The following CCSER1 variants were observed in gnomAD, a reference collection of about 807,000 sequenced individuals.
CCSER1 encodes serine-rich coiled-coil domain-containing protein 1.
In CCSER1, 41 loss-of-function variants were observed where a neutral mutation model predicts 82.0. That is an observed-to-expected ratio of 0.50 (90% CI 0.39 to 0.65). The LOEUF (loss-of-function observed/expected upper bound fraction) is 0.65, where lower values mean the gene tolerates loss of function less well. CCSER1 is among the 30% of genes least tolerant of loss of function. The pLI is 0.00. For missense variants in CCSER1, 1,119 were observed against 1,064.2 expected (o/e 1.05, Z -0.72); for synonymous variants, 414 against 383.9 (o/e 1.08, Z -0.92).
At chr4:90,746,702 A>T (rs111651310) in intron 7 of CCSER1, among the ~76,000 whole-genome samples, 17 of 152,294 alleles carry the variant, frequency 1.1e-4, no homozygotes, top group African/African-American at 3.6e-4. Flanking sequence ...TTAACTGCCT[A>T]TTTGGGTTTA....
chr4:90,413,981 A>AATATATATATATATATAT (rs70963066), intron 4 of CCSER1, among the ~76,000 whole-genome samples: 42 of 52,422 alleles, frequency 8.0e-4, no homozygotes, highest in African/African-American at 2.6e-3. Context: ...AAAAAAAAAA[A>AATATATATATATATATAT]ATATATATAT....
chr4:90,655,100 G>A lies in CCSER1; in HGVS notation c.1932+26868G>A, dbSNP rs1729471796. Among the ~76,000 whole-genome samples the A allele has an allele frequency of 3.3e-5, 5 of 151,858 alleles. No homozygotes were observed. In the South Asian group the frequency reaches 1.0e-3, roughly 31 times the overall value. ...GCATTAATATCACTATATTAAAAAAGTATACTTGATATTTGGCCTGGTGGT... is the reference window on the plus strand; with the variant it reads ...GCATTAATATCACTATATTAAAAAAATATACTTGATATTTGGCCTGGTGGT... On this transcript the variant is annotated intron_variant, in intron 6 of 10. Coordinates refer to ENST00000509176, the MANE Select transcript of CCSER1 (RefSeq NM_001145065.2).
At chr4:90,905,467 C>T in intron 8 of CCSER1, among the ~76,000 whole-genome samples, 1 of 151,980 alleles carries the variant, frequency 6.6e-6, no homozygotes, top group Non-Finnish European at 1.5e-5. Flanking sequence ...CTGAAACAAT[C>T]CCTTGCTTAC....
At chr4:90,742,234 T>G (rs186913107) in intron 7 of CCSER1, among the ~76,000 whole-genome samples, 23 of 152,304 alleles carry the variant, frequency 1.5e-4, no homozygotes, top group Middle Eastern at 3.4e-3. Context: ...TCTCCAGCAC[T>G]GGCAATTACA....
At chr4:90,238,855 A>ATT (rs1460989618) in intron 1 of CCSER1, among the ~76,000 whole-genome samples, 8 of 146,280 alleles carry the variant, frequency 5.5e-5, no homozygotes, top group African/African-American at 1.7e-4. Flanking sequence ...TCTAGCATTA[A>ATT]TTTTTTTTTT....
intron 10 of CCSER1, among the ~76,000 whole-genome samples, chr4:91,100,575 T>G (rs1406629052): frequency 6.6e-6 from 1 of 152,164 alleles, no homozygotes; most frequent in Non-Finnish European, 1.5e-5. Context: ...ATCCCAAATA[T>G]GGCAAAAAAT....
chr4:90,520,723 A>G (rs118184986), intron 5 of CCSER1, among the ~76,000 whole-genome samples: 4 of 152,194 alleles, frequency 2.6e-5, no homozygotes, highest in African/African-American at 7.2e-5. Context: ...TAAAAAAACA[A>G]TTGTGCGCAA....
intron 1 of CCSER1, among the ~76,000 whole-genome samples, chr4:90,155,800 T>C (rs565529890): frequency 8.6e-5 from 13 of 151,906 alleles, no homozygotes; most frequent in Non-Finnish European, 1.5e-4. Flanking sequence ...TCTATCAATT[T>C]TGTTGATCCT....
At chr4:90,615,253 C>T (rs989897327) in intron 5 of CCSER1, among the ~76,000 whole-genome samples, 7 of 152,208 alleles carry the variant, frequency 4.6e-5, no homozygotes, top group African/African-American at 9.6e-5. Flanking sequence ...GTTTTCATGC[C>T]GTCTAACAGA....
chr4:91,296,366 A>AT (rs1477984840), intron 10 of CCSER1, among the ~76,000 whole-genome samples: 1 of 149,390 alleles, frequency 6.7e-6, no homozygotes, highest in Non-Finnish European at 1.5e-5. Context: ...ATATACTATA[A>AT]TTTTTCCCTC....
intron 10 of CCSER1, among the ~76,000 whole-genome samples, chr4:91,557,735 G>A (rs1433220468): frequency 2.6e-5 from 4 of 151,342 alleles, no homozygotes; most frequent in African/African-American, 4.8e-5. Flanking sequence ...CAGAGTGAAA[G>A]TAATGTGTTC....
chr4:90,435,263 T>C (rs2153569068), intron 4 of CCSER1, among the ~76,000 whole-genome samples: 1 of 150,630 alleles, frequency 6.6e-6, no homozygotes, highest in South Asian at 2.1e-4. Context: ...AGCTTCTGTT[T>C]ATTGAATAAT....
intron 8 of CCSER1, among the ~76,000 whole-genome samples, chr4:90,820,020 C>A (rs910600755): frequency 2.6e-5 from 4 of 152,142 alleles, no homozygotes; most frequent in Admixed American, 6.5e-5. Flanking sequence ...CATCTACTCC[C>A]AACTGTTCTA....
At chr4:91,177,516 A>G (rs1051077137) in intron 10 of CCSER1, among the ~76,000 whole-genome samples, 1 of 152,164 alleles carries the variant, frequency 6.6e-6, no homozygotes, top group African/African-American at 2.4e-5. Context: ...TGGTCTATTC[A>G]GGGATTCAAC....
chr4:90,895,634 G>T (rs1464038855), intron 8 of CCSER1, among the ~76,000 whole-genome samples: 1 of 151,850 alleles, frequency 6.6e-6, no homozygotes. Flanking sequence ...AAGGATCAAG[G>T]TCCCTAGCCC....
intron 1 of CCSER1, among the ~76,000 whole-genome samples, chr4:90,155,684 TC>T (rs1727983113): frequency 6.6e-6 from 1 of 152,236 alleles, no homozygotes; most frequent in Non-Finnish European, 1.5e-5. Flanking sequence ...TTCATAGTAT[TC>T]TCTGATGGTA....
At chr4:90,615,102 T>TG (rs1479391172) in intron 5 of CCSER1, among the ~76,000 whole-genome samples, 1 of 152,194 alleles carries the variant, frequency 6.6e-6, no homozygotes, top group East Asian at 1.9e-4. Flanking sequence ...GATTACAACA[T>TG]GGAACACTGA....
At chr4:90,891,398 ATAC>A (rs1265900333) in intron 8 of CCSER1, among the ~76,000 whole-genome samples, 1 of 151,578 alleles carries the variant, frequency 6.6e-6, no homozygotes, top group East Asian at 1.9e-4. Flanking sequence ...TGTTTTAAAA[ATAC>A]TATTTTTATA....
intron 3 of CCSER1, among the ~76,000 whole-genome samples, chr4:90,335,870 G>A (rs1740296931): frequency 6.6e-6 from 1 of 152,152 alleles, no homozygotes; most frequent in African/African-American, 2.4e-5. Flanking sequence ...CTCCCGCCTT[G>A]TCTTTCCAAA....
Sources: allele counts gnomAD v4.1 joint callset (sites outside exome capture counted in the v4.1 genomes callset), GRCh38; gene constraint gnomAD v4.1.1; transcripts MANE v1.5; gene names NCBI Gene and HGNC (gene_info 2026-07-23, HGNC 2026-07-21).